PDE4D: variants seen among roughly 807,000 people sequenced by gnomAD.
The protein encoded by PDE4D is phosphodiesterase 4D, also known as 3',5'-cyclic-AMP phosphodiesterase 4D.
PDE4D carries 24 observed loss-of-function variants against 87.4 expected under a neutral mutation model. The observed-to-expected ratio is 0.27, with a 90% CI of 0.20 to 0.39. The LOEUF is 0.39. Among genes scored for constraint, PDE4D ranks in the 10% least tolerant of loss-of-function variants. The pLI, the probability that PDE4D is intolerant of heterozygous loss-of-function variation, is 1.00. For missense variants in PDE4D, 714 were observed against 1,041.0 expected (o/e 0.69, Z 4.32); for synonymous variants, 384 against 383.2 (o/e 1.00, Z -0.02).
chr5:59,146,420 C>T (rs905125856), intron 5 of PDE4D, among the ~76,000 whole-genome samples: 1 of 152,104 alleles, frequency 6.6e-6, no homozygotes, highest in Non-Finnish European at 1.5e-5. Flanking sequence ...AATCAATTAT[C>T]TTTTAAAATA....
chr5:60,239,590 C>T (rs1490452822), intron 1 of PDE4D, among the ~76,000 whole-genome samples: 1 of 152,056 alleles, frequency 6.6e-6, no homozygotes, highest in Non-Finnish European at 1.5e-5. Flanking sequence ...TTCTATTTAT[C>T]ATCTTCTTTG....
intron 1 of PDE4D, among the ~76,000 whole-genome samples, chr5:59,504,900 ATATGTGTG>A (rs1191610947): frequency 2.8e-5 from 3 of 107,374 alleles, no homozygotes; most frequent in African/African-American, 4.2e-5. Context: ...TGGTAGGGGT[ATATGTGTG>A]TGTGTGTGTG....
intron 1 of PDE4D, among the ~76,000 whole-genome samples, chr5:59,757,977 C>T (rs1277417151): frequency 6.6e-6 from 1 of 152,168 alleles, no homozygotes; most frequent in East Asian, 1.9e-4. Flanking sequence ...CAAAAAAGGG[C>T]TCTGTCTCTA....
intron 1 of PDE4D, among the ~76,000 whole-genome samples, chr5:60,310,472 A>T (rs1004493714): frequency 1.3e-5 from 2 of 152,210 alleles, no homozygotes; most frequent in African/African-American, 4.8e-5. Flanking sequence ...ACTGAAGTTT[A>T]TTCTGCAAAG....
At chr5:60,209,861 C>A (rs1002691994) in intron 1 of PDE4D, among the ~76,000 whole-genome samples, 2 of 152,124 alleles carry the variant, frequency 1.3e-5, no homozygotes. Context: ...TTGGGAAATT[C>A]TCTGCAATAA....
chr5:59,300,502 TTAAA>T (rs1770004737), intron 1 of PDE4D, among the ~76,000 whole-genome samples: 1 of 152,144 alleles, frequency 6.6e-6, no homozygotes, highest in South Asian at 2.1e-4. Flanking sequence ...TTTGACCGTC[TTAAA>T]TAAAAAGATT....
chr5:59,742,866 T>C (rs920483814), intron 1 of PDE4D, among the ~76,000 whole-genome samples: 10 of 152,190 alleles, frequency 6.6e-5, no homozygotes, highest in African/African-American at 7.2e-5. Flanking sequence ...GTGGGAAACA[T>C]AGTTAATATT....
At chr5:59,762,585 C>CACATATGTGTATATGTGTATATAGGT (rs1561617289) in intron 1 of PDE4D, among the ~76,000 whole-genome samples, 2 of 131,678 alleles carry the variant, frequency 1.5e-5, no homozygotes, top group African/African-American at 2.8e-5. Flanking sequence ...TATATGGGTA[C>CACATATGTGTATATGTGTATATAGGT]ACATATGTGT....
intron 1 of PDE4D, among the ~76,000 whole-genome samples, chr5:59,478,492 A>T (rs1055161373): frequency 6.6e-6 from 1 of 152,130 alleles, no homozygotes; most frequent in Non-Finnish European, 1.5e-5. Context: ...TTATGTTTGA[A>T]AAATGGATAC....
At chr5:59,525,349 G>A (rs1484475479) in intron 1 of PDE4D, among the ~76,000 whole-genome samples, 1 of 152,224 alleles carries the variant, frequency 6.6e-6, no homozygotes, top group Non-Finnish European at 1.5e-5. Context: ...ATTGGATTTT[G>A]GACTTGCATG....
intron 1 of PDE4D, among the ~76,000 whole-genome samples, chr5:59,862,513 C>T (rs1347032643): frequency 6.6e-6 from 1 of 152,174 alleles, no homozygotes; most frequent in Non-Finnish European, 1.5e-5. Context: ...TGGAACCAGA[C>T]TGGCTGACTG....
At position 58,975,306 on chromosome 5, in the gene PDE4D, A is replaced by G. The variant is rs943415511; in HGVS notation, c.2014-226T>C. ...AACCTTTGGTTAAAGAGCATGTTCTATAGCATAAAAAATTTTCCAGTTGTT... is the reference window on the plus strand; with the variant it reads ...AACCTTTGGTTAAAGAGCATGTTCTGTAGCATAAAAAATTTTCCAGTTGTT... On this transcript the variant is annotated intron_variant, in intron 14 of 14. Transcript: ENST00000340635. The surrounding 1 kb of genome is among the most constrained non-coding windows in gnomAD (Gnocchi z 4.2). 9.3e-6 allele frequency among the ~76,000 whole-genome samples: 1 copy of G among 107,366 alleles called. No individual in the cohort carries two copies. Among genetic ancestry groups the G allele is most frequent in the African/African-American group, 3.3e-5 (1 of 30,096 alleles). 70.4% of individuals were successfully genotyped at this position (107,366 alleles called of 152,430 possible). A position where few individuals can be genotyped will look rare whatever the true frequency, so the allele number is the denominator to read the frequency against.
chr5:59,502,749 G>A (rs1046324653), intron 1 of PDE4D, among the ~76,000 whole-genome samples: 1 of 150,192 alleles, frequency 6.7e-6, no homozygotes, highest in Non-Finnish European at 1.5e-5. Context: ...ACTCTCCTTA[G>A]GGAATATTGC....
At chr5:59,887,639 T>C (rs1454287265) in intron 1 of PDE4D, among the ~76,000 whole-genome samples, 1 of 152,216 alleles carries the variant, frequency 6.6e-6, no homozygotes, top group Non-Finnish European at 1.5e-5. Flanking sequence ...ATTATTCTAT[T>C]TGATCTTTAA....
chr5:59,279,961 C>T (rs893888475), intron 1 of PDE4D, among the ~76,000 whole-genome samples: 5 of 152,000 alleles, frequency 3.3e-5, no homozygotes, highest in East Asian at 1.9e-4. Flanking sequence ...AAATGGTGCA[C>T]GTACATTACT....
chr5:60,104,131 C>A (rs141826854), intron 2 of PDE4D, among the ~76,000 whole-genome samples: 1 of 152,188 alleles, frequency 6.6e-6, no homozygotes, highest in Non-Finnish European at 1.5e-5. Flanking sequence ...ACAGACAATA[C>A]CTGGAAAATC....
intron 1 of PDE4D, among the ~76,000 whole-genome samples, chr5:59,867,020 A>G (rs565314229): frequency 2.0e-5 from 3 of 152,338 alleles, no homozygotes; most frequent in African/African-American, 7.2e-5. Flanking sequence ...AGTAGAAAGT[A>G]AAAGCTGTTT....
chr5:60,312,998 A>G (rs1050813929), intron 1 of PDE4D, among the ~76,000 whole-genome samples: 11 of 152,166 alleles, frequency 7.2e-5, no homozygotes, highest in African/African-American at 2.7e-4. Flanking sequence ...ATTTAACAAC[A>G]TAACATCACA....
At chr5:59,215,201 T>C (rs1162468660) in intron 2 of PDE4D, among the ~76,000 whole-genome samples, 1 of 152,198 alleles carries the variant, frequency 6.6e-6, no homozygotes, top group African/African-American at 2.4e-5. Flanking sequence ...TACTATATCT[T>C]AAATGATATT....
Sources: allele counts gnomAD v4.1 joint callset (sites outside exome capture counted in the v4.1 genomes callset), GRCh38; gene constraint gnomAD v4.1.1; non-coding constraint Gnocchi (gnomAD v3.1); transcripts MANE v1.5; gene names NCBI Gene and HGNC (gene_info 2026-07-23, HGNC 2026-07-21).